Variants in ADAMTS13 observed in about 807,000 individuals in gnomAD.
ADAMTS13 encodes the protein A disintegrin and metalloproteinase with thrombospondin motifs 13.
Under a neutral mutation model 155.1 loss-of-function variants are expected in ADAMTS13, and 110 were observed. That is an observed-to-expected ratio of 0.71 (90% CI 0.61 to 0.83). The LOEUF is 0.83. Ranked by LOEUF, ADAMTS13 falls within the 40% of genes least tolerant of loss-of-function variation. The pLI is 0.00. For synonymous variants in ADAMTS13, 758 were observed against 756.4 expected (o/e 1.00, Z -0.03); for missense variants, 1,707 against 1,891.7 (o/e 0.90, Z 1.81).
rs782072395 is a variant in ADAMTS13 at position 133,440,905 on chromosome 9, G to T, written c.1968+380G>T. On this transcript the variant is annotated intron_variant, in intron 16 of 28. Transcript: ENST00000355699. The surrounding 1 kb of genome is among the most constrained non-coding windows in gnomAD (Gnocchi z 4.3). ...AAGGAAGCGTATGGCTGAGGGAACA[G>T]TGTCAGTGTGGGAGGGATGAAGGAA... is the stretch of plus-strand genomic sequence containing the variant. Among the ~76,000 whole-genome samples, 9 of 152,174 alleles carry T rather than the reference G, an allele frequency of 5.9e-5. No homozygotes were observed. The highest frequency in any genetic ancestry group is 1.0e-4 in the Non-Finnish European group (7 of 68,036).
chr9:133,449,864 T>C lies in ADAMTS13; in HGVS notation c.2943T>C (p.His981=). Residue 981 remains histidine, a synonymous_variant, in exon 23 of 29, where the codon CAT becomes CAC. Coordinates refer to ENST00000355699, the MANE Select transcript of ADAMTS13 (RefSeq NM_139027.6). The part of the protein sequence containing the change: ...VRRILYCARA[H]GEDDGEEILL... ...GGATCCTGTATTGTGCCCGGGCCCA[T>C]GGGGAGGACGATGGTGAGGAGATCC... 1 of 1,613,972 alleles carries C rather than the reference T, an allele frequency of 6.2e-7. No homozygotes were observed. Among genetic ancestry groups the C allele is most frequent in the Non-Finnish European group, 8.5e-7 (1 of 1,179,994 alleles).
chr9:133,415,080 T>G, intron 1 of ADAMTS13: 1 of 1,282,334 alleles, frequency 7.8e-7, no homozygotes, highest in Non-Finnish European at 1.1e-6. Context: ...TGAAAAAACT[T>G]ACGTGTGTAT....
At chr9:133,455,040 T>A (rs930754148) in intron 24 of ADAMTS13, among the ~76,000 whole-genome samples, 2 of 152,118 alleles carry the variant, frequency 1.3e-5, no homozygotes, top group East Asian at 3.9e-4. Context: ...GCTCTAAGGC[T>A]TGGAGGGACA....
Position 133,450,406 on chromosome 9 carries a change from T to C in ADAMTS13, c.3044+441T>C, listed in dbSNP as rs111467787. 3.9e-3 allele frequency among the ~76,000 whole-genome samples: 592 copies of C among 151,622 alleles called. 4 individuals are homozygous for C. The highest frequency in any genetic ancestry group is 0.014 in the African/African-American group (571 of 41,346). ...CAACATACAGAAACCCTGTCTCTAC[T>C]AAAAATACAAAATTAGCCGGGTGTG... On this transcript the variant is annotated intron_variant, in intron 23 of 28. Transcript: ENST00000355699.
rs782719456 is a variant in ADAMTS13, at chr9:133,443,407, G to A, written c.2266G>A (p.Ala756Thr). 7.5e-6 allele frequency: 12 copies of A among 1,598,986 alleles called. No homozygotes were observed. Among genetic ancestry groups the A allele is most frequent in the East Asian group, 6.7e-5 (3 of 44,632 alleles). The change falls in exon 19 of 29, where the codon GCC becomes ACC. Residue 756 changes from alanine (A) to threonine (T), a missense_variant. By Grantham distance (58) the Ala-to-Thr change is moderately conservative (BLOSUM62 0). Transcript: ENST00000355699. ...GGTGGGAGACTTCGGCCCATGCAGC[G>A]CCTCCTGTGGGGGTGGCCTGCGGGA... is the stretch of plus-strand genomic sequence containing the variant. ...WAVGDFGPCS[A>T]SCGGGLRERP...
upstream of ADAMTS13, among the ~76,000 whole-genome samples, chr9:133,418,503 C>A (rs1839811364): frequency 6.6e-6 from 1 of 152,212 alleles, no homozygotes. Flanking sequence ...CCTCAGACAC[C>A]GAATTGTAGA....
At chr9:133,429,212 C>T (rs1264209324) in intron 7 of ADAMTS13, among the ~76,000 whole-genome samples, 1 of 114,050 alleles carries the variant, frequency 8.8e-6, no homozygotes, top group African/African-American at 3.5e-5. Flanking sequence ...CTGCACCTCC[C>T]CCCGTGCTGT....
At position 133,445,736 on chromosome 9, in the gene ADAMTS13, C is replaced by T. The variant is rs1842017368; in HGVS notation, c.2648C>T (p.Pro883Leu). 1 of 1,612,290 alleles carries T rather than the reference C, an allele frequency of 6.2e-7. No homozygotes were observed. Among genetic ancestry groups the T allele is most frequent in the Non-Finnish European group, 8.5e-7 (1 of 1,179,286 alleles). Residue 883 changes from proline to leucine, a missense_variant, in exon 21 of 29, where the codon CCA becomes CTA. Around this residue, in one of 3 missense-constraint regions of ADAMTS13, gnomAD observed 961 missense variants for 1,107.9 expected, o/e 0.87. Transcript: ENST00000355699. This position sits in a 1 kb window ranked among gnomAD's most constrained non-coding sequence, Gnocchi z 5.0. The part of the protein sequence containing the change: ...ATSAGEKAPS[P>L]WGSIRTGAQA... ...TCTGCAGGGGAGAAGGCTCCCTCCC[C>T]ATGGGGCAGCATCAGGACGGGGGCT...
Position 133,456,840 on chromosome 9 carries a change from C to T in ADAMTS13, c.3724+121C>T. 1 of 1,311,166 alleles carries T rather than the reference C, an allele frequency of 7.6e-7. No individual in the cohort carries two copies. Among genetic ancestry groups the T allele is most frequent in the Non-Finnish European group, 1.1e-6 (1 of 939,622 alleles). 81.2% of individuals were successfully genotyped at this position (1,311,166 alleles called of 1,614,324 possible). A position where few individuals can be genotyped will look rare whatever the true frequency, so the allele number is the denominator to read the frequency against. The stretch of plus-strand genomic sequence containing the variant: ...AGTGGGAAGATACGGAGGGAACTGA[C>T]TGAGATGGAAGGAACTGGGGTTGGC... On this transcript the variant is annotated intron_variant, in intron 27 of 28. Transcript: ENST00000355699. This position sits in a 1 kb window ranked among gnomAD's most constrained non-coding sequence, Gnocchi z 4.4.
intron 23 of ADAMTS13, among the ~76,000 whole-genome samples, chr9:133,453,135 C>G (rs587679813): frequency 6.6e-6 from 1 of 152,134 alleles, no homozygotes; most frequent in African/African-American, 2.4e-5. Flanking sequence ...GACCCCGTCT[C>G]TACAAAAAAT....
chr9:133,433,575 A>G (rs1554788172), intron 10 of ADAMTS13, 46 bp downstream of exon 10: 3 of 1,613,730 alleles, frequency 1.9e-6, no homozygotes, highest in Non-Finnish European at 8.5e-7. Flanking sequence ...TGGCCATACC[A>G]TAGTCCCTAG....
chr9:133,442,771 CA>C (rs782181091), intron 18 of ADAMTS13, 28 bp downstream of exon 18: 3 of 1,607,332 alleles, frequency 1.9e-6, no homozygotes, highest in Non-Finnish European at 2.5e-6. Flanking sequence ...TGCGCAGCTC[CA>C]AGGGGGAGAG....
chr9:133,454,302 A>G (rs1343118184), intron 23 of ADAMTS13, 113 bp from the exon 24 acceptor site: 2 of 1,314,124 alleles, frequency 1.5e-6, no homozygotes, highest in Admixed American at 3.5e-5. Context: ...TTGCCTGGCC[A>G]CGGAAGCTGT....
chr9:133,445,329 C>T lies in ADAMTS13; in HGVS notation c.2610+277C>T, dbSNP rs149855328. On this transcript the variant is annotated intron_variant, in intron 20 of 28. Coordinates refer to ENST00000355699, the MANE Select transcript of ADAMTS13 (RefSeq NM_139027.6). This position sits in a 1 kb window ranked among gnomAD's most constrained non-coding sequence, Gnocchi z 5.0. ...GTGCAGAGAAATGCTGCCAGGCTCCCGCCTGGCGTCCAGGGGCTGGAGGCT... is the reference window on the plus strand; with the variant it reads ...GTGCAGAGAAATGCTGCCAGGCTCCTGCCTGGCGTCCAGGGGCTGGAGGCT... 2.2e-3 allele frequency among the ~76,000 whole-genome samples: 340 copies of T among 152,312 alleles called. 1 individual carries two copies. The highest frequency in any genetic ancestry group is 3.9e-3 in the Non-Finnish European group (265 of 68,006).
intron 25 of ADAMTS13, 30 bp downstream of exon 25, chr9:133,455,465 G>A: frequency 6.2e-7 from 1 of 1,612,564 alleles, no homozygotes; most frequent in South Asian, 1.1e-5. Flanking sequence ...CCACGAAGAA[G>A]CCGCTGCTCC....
At chr9:133,423,342 G>T (rs1350500192) in intron 2 of ADAMTS13, among the ~76,000 whole-genome samples, 175 bp downstream of exon 2, 1 of 152,120 alleles carries the variant, frequency 6.6e-6, no homozygotes, top group Non-Finnish European at 1.5e-5. Context: ...GATATAAGCT[G>T]GTCTGGGTGT....
In ADAMTS13 at chr9:133,445,970, A is replaced by G. The variant is rs1842040493; in HGVS notation, c.2731+151A>G. 9.4e-6 allele frequency: 11 copies of G among 1,176,000 alleles called. No individual in the cohort carries two copies. The highest frequency in any genetic ancestry group is 1.1e-5 in the Non-Finnish European group (10 of 873,010). The allele number at this position is 1,176,000 out of a possible 1,614,324, so 72.8% of individuals were successfully genotyped here. A position where few individuals can be genotyped will look rare whatever the true frequency, so the allele number is the denominator to read the frequency against. ...GTGGTAATACACAAGGAGACTAAGCATAGTAGCTGACAGCCACTTCAAATG... is the reference window on the plus strand; with the variant it reads ...GTGGTAATACACAAGGAGACTAAGCGTAGTAGCTGACAGCCACTTCAAATG... On this transcript the variant is annotated intron_variant, in intron 21 of 28. Transcript: ENST00000355699. The surrounding 1 kb of genome is among the most constrained non-coding windows in gnomAD (Gnocchi z 5.0).
Position 133,426,208 on chromosome 9 carries a change from G to T in ADAMTS13, c.549G>T (p.Leu183=). The T allele has an allele frequency of 1.9e-6, 3 of 1,613,948 alleles. No homozygotes were observed. Among genetic ancestry groups the T allele is most frequent in the Non-Finnish European group, 2.5e-6 (3 of 1,179,994 alleles). Residue 183 remains leucine, a synonymous_variant, in exon 6 of 29, where the codon CTG becomes CTT. Coordinates refer to ENST00000355699, the MANE Select transcript of ADAMTS13 (RefSeq NM_139027.6). ...GTTTTCTCTCACCGAGGTTTGACCT[G>T]GAGTTGCCTGATGGTAACCGGCAGG... ...DLVLYITRFD[L]ELPDGNRQVR...
At chr9:133,444,733 T>G in intron 19 of ADAMTS13, 130 bp from the exon 20 acceptor site, 4 of 912,582 alleles carry the variant, frequency 4.4e-6, no homozygotes, top group Admixed American at 2.2e-5. Context: ...TTCACTTCTC[T>G]GTGGGGCTCC....
Sources: allele counts gnomAD v4.1 joint callset (sites outside exome capture counted in the v4.1 genomes callset), GRCh38; gene constraint gnomAD v4.1.1; regional missense constraint gnomAD v4.1.1; non-coding constraint Gnocchi (gnomAD v3.1); transcripts MANE v1.5; gene names NCBI Gene and HGNC (gene_info 2026-07-23, HGNC 2026-07-21).